The following TMEM71 variants were observed in gnomAD, a reference collection of about 807,000 sequenced individuals.
TMEM71 encodes the protein transmembrane protein 71.
In TMEM71, 44 loss-of-function variants were observed where a neutral mutation model predicts 38.0. The observed-to-expected ratio is 1.16, with a 90% confidence interval of 0.91 to 1.49. The LOEUF (loss-of-function observed/expected upper bound fraction) is 1.49, where lower values mean the gene tolerates loss of function less well. TMEM71 is among the 40% of genes most tolerant of loss of function. TMEM71 has a pLI of 0.00. For synonymous variants in TMEM71, 133 were observed against 122.5 expected, an observed-to-expected ratio of 1.09 and a Z score of -0.56; for missense variants, 367 against 348.6, an observed-to-expected ratio of 1.05 and a Z score of -0.42.
chr8:132,738,879 C>G (rs749744093), intron 5 of TMEM71, among the ~76,000 whole-genome samples: 1 of 143,160 alleles, frequency 7.0e-6, no homozygotes, highest in Non-Finnish European at 1.5e-5. Flanking sequence ...CACACACACA[C>G]AGGAATATAT....
rs764975166 is a variant in TMEM71 at position 132,758,854 on chromosome 8, G to A, written c.26C>T (p.Ser9Leu). The change falls in exon 2 of 10, where the codon TCA (serine) becomes TTA (leucine). Residue 9 changes from serine (S) to leucine (L), a missense_variant. Physicochemically the swap from Ser to Leu is moderately radical, Grantham distance 145 (BLOSUM62 -2). Transcript: ENST00000677595. ...TCTACATTTACTTGCTACTGGTGTT[G>A]ACATCAGTTGAGATATTCGGTACAT... MYRISQLM[S>L]TPVASSSRLE... The A allele has an allele frequency of 6.2e-7, 1 of 1,613,448 alleles. No homozygotes were observed. The highest frequency in any genetic ancestry group is 1.1e-5 in the South Asian group (1 of 91,048).
In TMEM71 at chr8:132,757,294, C is replaced by A. The variant is rs746973011; in HGVS notation, c.41G>T (p.Ser14Ile). 2 of 1,591,952 alleles carry A rather than the reference C, an allele frequency of 1.3e-6. No individual in the cohort carries two copies. The highest frequency in any genetic ancestry group is 1.1e-5 in the South Asian group (1 of 89,890). The change falls in exon 3 of 10, where the codon AGT becomes ATT. Residue 14 changes from serine to isoleucine, a missense_variant and splice_region_variant. By Grantham distance (142) the Ser-to-Ile change is moderately radical. Coordinates refer to ENST00000677595, the MANE Select transcript of TMEM71 (RefSeq NM_001382403.1). ...ISQLMSTPVA[S>I]SSRLEREYAG... ...ATATTCTCTTTCCAACCTGGAAGAA[C>A]CTGCATAAACAAATGAGAGAGAAGT...
At chr8:132,718,328 C>A (rs1044012382) in intron 7 of TMEM71, among the ~76,000 whole-genome samples, 5 of 151,634 alleles carry the variant, frequency 3.3e-5, no homozygotes, top group African/African-American at 1.2e-4. Flanking sequence ...AAAGGCCTGG[C>A]CAGGTCAAAG....
In TMEM71 at chr8:132,741,748, G is replaced by A. The variant is rs550601720; in HGVS notation, c.487+5194C>T. Among the ~76,000 whole-genome samples the A allele has an allele frequency of 4.0e-3, 613 of 152,282 alleles. 4 individuals are homozygous for A. The highest frequency in any genetic ancestry group is 0.014 in the African/African-American group (579 of 41,554). The stretch of plus-strand genomic sequence containing the variant: ...TGGAACATGAAGGCGGACTAGGAGC[G>A]TGACCACTGAAGCACAGCATCACAG... On this transcript the variant is annotated intron_variant, in intron 5 of 9. Coordinates refer to ENST00000677595, the MANE Select transcript of TMEM71 (RefSeq NM_001382403.1).
intron 4 of TMEM71, among the ~76,000 whole-genome samples, chr8:132,751,168 C>A (rs892868960): frequency 6.6e-6 from 1 of 152,166 alleles, no homozygotes; most frequent in Non-Finnish European, 1.5e-5. Flanking sequence ...AATTTAACCC[C>A]TTTCATCCAG....
At chr8:132,740,636 G>T (rs1294192789) in intron 5 of TMEM71, among the ~76,000 whole-genome samples, 1 of 152,208 alleles carries the variant, frequency 6.6e-6, no homozygotes, top group African/African-American at 2.4e-5. Flanking sequence ...ATGTGTGGAA[G>T]AGCAGGATCC....
At position 132,747,611 on chromosome 8, in the gene TMEM71, A is replaced by G. The variant is rs1230810787; in HGVS notation, c.315-497T>C. Among the ~76,000 whole-genome samples, 7 of 152,262 alleles carry G rather than the reference A, an allele frequency of 4.6e-5. No homozygotes were observed. In the South Asian group the frequency reaches 1.0e-3, roughly 23 times the overall value. On this transcript the variant is annotated intron_variant, in intron 4 of 9. Transcript: ENST00000677595. ...TCCACGGTCTTTGCTTTTGATCGCTATGCTATATAGGGGATAAGTGCTCTG... is the reference window on the plus strand; with the variant it reads ...TCCACGGTCTTTGCTTTTGATCGCTGTGCTATATAGGGGATAAGTGCTCTG...
intron 7 of TMEM71, among the ~76,000 whole-genome samples, chr8:132,719,085 T>C (rs1333030134): frequency 6.6e-6 from 1 of 152,232 alleles, no homozygotes; most frequent in Non-Finnish European, 1.5e-5. Flanking sequence ...AGTGTACAAC[T>C]TGATTTTGAT....
chr8:132,736,192 T>A (rs2131101730), intron 5 of TMEM71, among the ~76,000 whole-genome samples: 1 of 152,334 alleles, frequency 6.6e-6, no homozygotes, highest in East Asian at 1.9e-4. Flanking sequence ...TCACTGTTGC[T>A]CTGTGCTAGC....
intron 7 of TMEM71, among the ~76,000 whole-genome samples, chr8:132,717,980 C>A (rs1826625632): frequency 6.6e-6 from 1 of 152,316 alleles, no homozygotes; most frequent in Admixed American, 6.5e-5. Flanking sequence ...CTACATAAGT[C>A]ATACCAGACA....
intron 5 of TMEM71, among the ~76,000 whole-genome samples, chr8:132,737,411 C>G (rs759096253): frequency 6.6e-6 from 1 of 152,196 alleles, no homozygotes; most frequent in Non-Finnish European, 1.5e-5. Flanking sequence ...CTTGAGTTGA[C>G]CTCCTTATCA....
chr8:132,714,083 T>A (rs1826375616), intron 8 of TMEM71, 31 bp from the exon 9 acceptor site: 2 of 1,613,932 alleles, frequency 1.2e-6, no homozygotes, highest in Admixed American at 1.7e-5. Flanking sequence ...TATTTTAAAA[T>A]CATTTTAAAG....
intron 7 of TMEM71, among the ~76,000 whole-genome samples, chr8:132,720,724 G>A (rs868136327): frequency 6.6e-6 from 1 of 152,186 alleles, no homozygotes; most frequent in Non-Finnish European, 1.5e-5. Context: ...TCCAAGTGAT[G>A]CTGCTGTATT....
chr8:132,745,144 AG>A (rs1185693269), intron 5 of TMEM71, among the ~76,000 whole-genome samples: 7 of 152,226 alleles, frequency 4.6e-5, no homozygotes, highest in Non-Finnish European at 1.0e-4. Flanking sequence ...AGTCCTCAAA[AG>A]CAATTGCAAC....
At chr8:132,766,073 C>T in the TMEM71 span, among the ~76,000 whole-genome samples, 7 of 152,090 alleles carry the variant, frequency 4.6e-5, no homozygotes, top group Admixed American at 2.0e-4. Flanking sequence ...TATGAGCCAC[C>T]GCACCCTGCC....
the TMEM71 span, among the ~76,000 whole-genome samples, chr8:132,770,941 A>G: frequency 6.6e-6 from 1 of 152,246 alleles, no homozygotes; most frequent in African/African-American, 2.4e-5. Flanking sequence ...CCATATGCAC[A>G]TCTCCATAAT....
the TMEM71 span, among the ~76,000 whole-genome samples, chr8:132,772,678 T>C: frequency 6.6e-6 from 1 of 152,146 alleles, no homozygotes; most frequent in Non-Finnish European, 1.5e-5. Context: ...GCTATACATA[T>C]ATACTTAAAA....
Position 132,714,210 on chromosome 8 carries a change from A to C in TMEM71, c.758T>G (p.Phe253Cys). ...CLIISACARWFMGEILASVFT... is the reference protein window; with the variant it reads ...CLIISACARWCMGEILASVFT... ...GACACTGGCTAATATTTCTCCCATAAACCATCTGAAACAACAAGATTGCTC... is the reference window on the plus strand; with the variant it reads ...GACACTGGCTAATATTTCTCCCATACACCATCTGAAACAACAAGATTGCTC... Residue 253 changes from phenylalanine (F) to cysteine (C), a missense_variant, in exon 8 of 10, where the codon TTT becomes TGT. Physicochemically the swap from Phe to Cys is radical, Grantham distance 205. Coordinates refer to ENST00000677595, the MANE Select transcript of TMEM71 (RefSeq NM_001382403.1). 1 of 1,610,580 alleles carries C rather than the reference A, an allele frequency of 6.2e-7. No individual in the cohort carries two copies. The highest frequency in any genetic ancestry group is 8.5e-7 in the Non-Finnish European group (1 of 1,178,304).
intron 5 of TMEM71, among the ~76,000 whole-genome samples, chr8:132,729,967 T>C (rs1827361225): frequency 6.6e-6 from 1 of 152,080 alleles, no homozygotes; most frequent in African/African-American, 2.4e-5. Context: ...AAATTTTTTT[T>C]TTTTTTTTGA....
Sources: allele counts gnomAD v4.1 joint callset (sites outside exome capture counted in the v4.1 genomes callset), GRCh38; gene constraint gnomAD v4.1.1; transcripts MANE v1.5; gene names NCBI Gene and HGNC (gene_info 2026-07-23, HGNC 2026-07-21).